DEAF1: variants seen among roughly 807,000 people sequenced by gnomAD.
DEAF1 encodes the protein deformed epidermal autoregulatory factor 1 homolog.
In DEAF1, 53 loss-of-function variants were observed where a neutral mutation model predicts 58.9. The ratio of observed to expected loss-of-function variants is 0.90; its 90% CI spans 0.72 to 1.13. The LOEUF is 1.13. DEAF1 is among the 50% of genes most tolerant of loss of function. The pLI, the probability that DEAF1 is intolerant of heterozygous loss-of-function variation, is 0.00. For missense variants in DEAF1, 685 were observed against 791.4 expected (o/e 0.87, Z 1.61); for synonymous variants, 385 against 340.4 (o/e 1.13, Z -1.44).
At chr11:696,312 C>G (rs767937438), upstream of DEAF1, among the ~76,000 whole-genome samples, 1 of 152,112 alleles carries the variant, frequency 6.6e-6, no homozygotes, top group African/African-American at 2.4e-5. Flanking sequence ...GAGCCGCCTT[C>G]TGCTGTCTGT....
intron 1 of DEAF1, chr11:704,187 G>C (rs558915137): frequency 9.4e-7 from 1 of 1,068,318 alleles, no homozygotes; most frequent in East Asian, 6.5e-5. Flanking sequence ...CCCTGCAAGA[G>C]AGCACACCCC....
In DEAF1 at chr11:700,269, G is replaced by A. The variant is rs781186147; in HGVS notation, c.-438+6303C>T. ...GGGACGGGCACAGTGGCTCACGCCTGTAATCCCAACATTTTGGGAGGCTGA... is the reference window on the plus strand; with the variant it reads ...GGGACGGGCACAGTGGCTCACGCCTATAATCCCAACATTTTGGGAGGCTGA... On this transcript the variant is annotated intron_variant, in intron 1 of 11. Coordinates refer to the DEAF1 transcript ENST00000683307. 7 of 1,583,962 alleles carry A rather than the reference G, an allele frequency of 4.4e-6. No homozygotes were observed. The South Asian group carries it at 6.6e-5, about 15-fold the overall frequency.
chr11:645,112 G>A lies in DEAF1; in HGVS notation c.1594-458C>T, dbSNP rs185236732. ...TGGGAGGCAGAGGTTGCAGGGAGCC[G>A]AGATGGTGCCACTGCACTCCAGCCC... On this transcript the variant is annotated intron_variant, in intron 11 of 11. Transcript: ENST00000382409. Among the ~76,000 whole-genome samples, 192 of 145,522 alleles carry A rather than the reference G, an allele frequency of 1.3e-3. 3 individuals carry two copies. The highest frequency in any genetic ancestry group is 4.6e-3 in the African/African-American group (179 of 39,308).
chr11:655,641 CGCGTGCAG>C (rs1369564093), intron 10 of DEAF1, among the ~76,000 whole-genome samples: 14 of 152,350 alleles, frequency 9.2e-5, no homozygotes, highest in African/African-American at 2.9e-4. Context: ...GGCCCCTGCA[CGCGTGCAG>C]ACCTGCTCCG....
intron 10 of DEAF1, among the ~76,000 whole-genome samples, chr11:671,335 C>T (rs773867215): frequency 2.0e-5 from 3 of 151,960 alleles, no homozygotes; most frequent in Non-Finnish European, 4.4e-5. Flanking sequence ...AGTCTCCTGC[C>T]TCAGCCTCCT....
chr11:682,987 C>A (rs1413827975), intron 6 of DEAF1, among the ~76,000 whole-genome samples: 1 of 152,136 alleles, frequency 6.6e-6, no homozygotes, highest in Non-Finnish European at 1.5e-5. Flanking sequence ...GAGCTGGGGG[C>A]AGAAAGGGAG....
At chr11:696,172 G>A (rs976252930), upstream of DEAF1, among the ~76,000 whole-genome samples, 1 of 152,224 alleles carries the variant, frequency 6.6e-6, no homozygotes, top group African/African-American at 2.4e-5. Context: ...TGGGCGCAGG[G>A]TTTCGGTAGC....
At chr11:702,213 C>G (rs1313126277) in intron 1 of DEAF1, among the ~76,000 whole-genome samples, 1 of 152,254 alleles carries the variant, frequency 6.6e-6, no homozygotes, top group Non-Finnish European at 1.5e-5. Context: ...GCCCATCCCA[C>G]TGAGGGGTGC....
At position 661,908 on chromosome 11, in the gene DEAF1, T is replaced by C. The variant is rs1320913510; in HGVS notation, c.1504-7857A>G. On this transcript the variant is annotated intron_variant, in intron 10 of 11. Coordinates refer to ENST00000382409, the MANE Select transcript of DEAF1 (RefSeq NM_021008.4). ...GCACTAATTACAAATAACAATTTAA[T>C]GGCACAAAGCAAGCTTGTCCAACCC... 2.6e-5 allele frequency among the ~76,000 whole-genome samples: 4 copies of C among 152,212 alleles called. 1 individual carries two copies. The highest frequency in any genetic ancestry group is 1.5e-5 in the Non-Finnish European group (1 of 68,028).
At chr11:697,708 G>A (rs1161010552), upstream of DEAF1, 1 of 152,228 alleles carries the variant, frequency 6.6e-6, no homozygotes, top group Admixed American at 6.5e-5. Context: ...AGGTGGCCTG[G>A]TTTAGCTAAG....
intron 4 of DEAF1, 51 bp downstream of exon 4, chr11:687,860 G>C: frequency 6.2e-7 from 1 of 1,610,982 alleles, no homozygotes; most frequent in Non-Finnish European, 8.5e-7. Flanking sequence ...TTTATGCTAG[G>C]GGGGTTACAA....
At chr11:700,292 T>C in intron 1 of DEAF1, 2 of 1,484,010 alleles carry the variant, frequency 1.3e-6, no homozygotes, top group South Asian at 1.1e-5. Flanking sequence ...TTTGGGAGGC[T>C]GAGGTGGGCG....
chr11:656,489 C>T lies in DEAF1; in HGVS notation c.1504-2438G>A, dbSNP rs370642897. On this transcript the variant is annotated intron_variant, in intron 10 of 11. Transcript: ENST00000382409. ...ATATTTCTTAAAAAGTCTGTAACCA[C>T]AGAGAAGCTTCTCGAAGGAGAACAC... 1.3e-4 allele frequency among the ~76,000 whole-genome samples: 20 copies of T among 152,364 alleles called. No homozygotes were observed. In the South Asian group the frequency reaches 4.1e-3, roughly 32 times the overall value.
chr11:704,085 C>T (rs776626117), intron 1 of DEAF1: 126 of 1,113,942 alleles, frequency 1.1e-4, no homozygotes, highest in Non-Finnish European at 1.4e-4. Context: ...GATATTTTCT[C>T]TTCACCGCAT....
intron 11 of DEAF1, among the ~76,000 whole-genome samples, chr11:649,886 C>T (rs1029109133): frequency 2.7e-5 from 4 of 150,840 alleles, no homozygotes; most frequent in African/African-American, 7.3e-5. Flanking sequence ...ATTAGTTGGA[C>T]GTGGTGGCTC....
chr11:658,471 T>C (rs1302901966), intron 10 of DEAF1, among the ~76,000 whole-genome samples: 1 of 152,194 alleles, frequency 6.6e-6, no homozygotes, highest in African/African-American at 2.4e-5. Context: ...GGAAGAGGTG[T>C]GTGTGCGTTG....
At chr11:701,920 G>A (rs971567806) in intron 1 of DEAF1, among the ~76,000 whole-genome samples, 2 of 152,210 alleles carry the variant, frequency 1.3e-5, no homozygotes, top group Admixed American at 1.3e-4. Context: ...TGGCCAGCGG[G>A]GTGCAGACTT....
chr11:682,691 C>A (rs1182563437), intron 6 of DEAF1, among the ~76,000 whole-genome samples: 1 of 152,172 alleles, frequency 6.6e-6, no homozygotes, highest in Non-Finnish European at 1.5e-5. Context: ...CAGCCTCTCA[C>A]TGCATGGACA....
intron 8 of DEAF1, among the ~76,000 whole-genome samples, chr11:679,447 G>A (rs1019912961): frequency 1.1e-4 from 16 of 152,246 alleles, no homozygotes; most frequent in Non-Finnish European, 2.4e-4. Context: ...CAGACAGAGA[G>A]TATTTTCAGC....
Sources: gnomAD v4.1 joint callset for allele counts (sites outside exome capture counted in the v4.1 genomes callset) on GRCh38, gnomAD v4.1.1 for gene constraint, MANE v1.5 for transcripts, NCBI Gene and HGNC (gene_info 2026-07-23, HGNC 2026-07-21) for gene names.